Variants in RHOT1 observed in about 807,000 individuals in gnomAD.
The protein encoded by RHOT1 is ras homolog family member T1.
Under a neutral mutation model 95.3 loss-of-function variants are expected in RHOT1, and 27 were observed. The ratio of observed to expected loss-of-function variants is 0.28; its 90% CI spans 0.21 to 0.39. RHOT1 has a LOEUF of 0.39. RHOT1 is among the 10% of genes least tolerant of loss of function. The probability of loss-of-function intolerance (pLI) is 1.00; values close to 1 mark genes in which losing one functional copy is unlikely to be tolerated. For synonymous variants in RHOT1, 227 were observed against 263.5 expected (o/e 0.86, Z 1.34); for missense variants, 578 against 786.7 (o/e 0.73, Z 3.17).
intron 14 of RHOT1, among the ~76,000 whole-genome samples, chr17:32,201,435 G>C (rs72827706): frequency 0.018 from 2,797 of 152,264 alleles, 38 homozygotes; most frequent in Non-Finnish European, 0.029. Context: ...AGGCATTCTT[G>C]CCAAGCAATG....
In RHOT1 at chr17:32,148,441, A is replaced by C. The variant is rs191574732; in HGVS notation, c.37+5712A>C. Reference sequence around the variant, plus strand: ...AGAGTCCTTTCTATAACATCCTCACATATGTACTGAAACCTATTCTCTGCT... The same window carrying C: ...AGAGTCCTTTCTATAACATCCTCACCTATGTACTGAAACCTATTCTCTGCT... On this transcript the variant is annotated intron_variant, in intron 1 of 19. Transcript: ENST00000545287. 8.3e-3 allele frequency among the ~76,000 whole-genome samples: 1,258 copies of C among 152,306 alleles called. 21 individuals are homozygous for C. The highest frequency in any genetic ancestry group is 0.029 in the African/African-American group (1,192 of 41,570).
At chr17:32,173,667 C>T (rs775999197) in intron 2 of RHOT1, among the ~76,000 whole-genome samples, 164 bp from the exon 3 acceptor site, 4 of 150,306 alleles carry the variant, frequency 2.7e-5, no homozygotes, top group African/African-American at 7.4e-5. Context: ...GAGCAGAGAT[C>T]GCACCACTGC....
chr17:32,151,353 A>G (rs1020998758), intron 1 of RHOT1: 13 of 615,092 alleles, frequency 2.1e-5, no homozygotes, highest in Non-Finnish European at 3.7e-5. Context: ...TTGAGGCTGC[A>G]GTGAGCCAAG....
chr17:32,220,320 C>T (rs1182800030), intron 19 of RHOT1, among the ~76,000 whole-genome samples: 1 of 152,106 alleles, frequency 6.6e-6, no homozygotes, highest in Non-Finnish European at 1.5e-5. Flanking sequence ...TAGGATTGCA[C>T]CACTGCACTA....
At chr17:32,194,239 G>A (rs893318790) in intron 11 of RHOT1, 132 bp downstream of exon 11, 2 of 837,536 alleles carry the variant, frequency 2.4e-6, no homozygotes, top group Non-Finnish European at 3.8e-6. Context: ...CCAAATTGCT[G>A]TGATTAAAGG....
intron 1 of RHOT1, among the ~76,000 whole-genome samples, chr17:32,159,024 C>T (rs2033262486): frequency 6.6e-6 from 1 of 152,172 alleles, no homozygotes; most frequent in Non-Finnish European, 1.5e-5. Context: ...TCACTCCTAC[C>T]TCACATGGCT....
chr17:32,185,844 C>T (rs1281847990), intron 8 of RHOT1, among the ~76,000 whole-genome samples: 1 of 151,914 alleles, frequency 6.6e-6, no homozygotes, highest in East Asian at 1.9e-4. Flanking sequence ...CCTCAGCCTC[C>T]TGAGTAGTTG....
chr17:32,160,790 C>CA (rs1450166161), intron 1 of RHOT1, among the ~76,000 whole-genome samples: 1 of 152,234 alleles, frequency 6.6e-6, no homozygotes, highest in Non-Finnish European at 1.5e-5. Context: ...TGCTTGCTCA[C>CA]ACATCCCTCA....
intron 1 of RHOT1, among the ~76,000 whole-genome samples, chr17:32,156,872 T>C (rs1420066012): frequency 6.6e-6 from 1 of 152,262 alleles, no homozygotes; most frequent in Non-Finnish European, 1.5e-5. Flanking sequence ...ATTTGTGTAC[T>C]TAATGTGTGA....
chr17:32,150,662 C>T, intron 1 of RHOT1: 1 of 1,596,444 alleles, frequency 6.3e-7, no homozygotes, highest in Non-Finnish European at 8.6e-7. Context: ...ATCTCATTCT[C>T]ATCAGGAAGA....
chr17:32,199,460 C>G lies in RHOT1; in HGVS notation c.1010C>G (p.Pro337Arg). 6.2e-7 allele frequency: 1 copy of G among 1,613,346 alleles called. No homozygotes were observed. The part of the protein sequence containing the change: ...DELKDLFKVF[P>R]YIPWGPDVNN... The stretch of plus-strand genomic sequence containing the variant: ...CTTAAAGATTTATTTAAAGTTTTCC[C>G]TTACATACCTTGGGGGCCAGATGTG... Residue 337 changes from proline to arginine, a missense_variant, in exon 13 of 20, where the codon CCT (proline) becomes CGT (arginine). Pro to Arg is a moderately radical substitution (Grantham distance 103). This residue lies in a region of RHOT1 where 227 missense variants were observed against 316.0 expected (regional missense o/e 0.72). Transcript: ENST00000545287.
At position 32,171,124 on chromosome 17, in the gene RHOT1, T is replaced by G. The variant is rs768399618; in HGVS notation, c.96+23T>G. The stretch of plus-strand genomic sequence containing the variant: ...GAGGTAAACATTTTGATTTCCATAT[T>G]TAAATTTTAAAAAATTTATCAAAAT... On this transcript the variant is annotated intron_variant, in intron 2 of 19. Transcript: ENST00000545287. 2.8e-5 allele frequency: 41 copies of G among 1,487,830 alleles called. No individual in the cohort carries two copies. The South Asian group carries it at 4.5e-4, about 16-fold the overall frequency. The allele number at this position is 1,487,830 out of a possible 1,614,324, so 92.2% of individuals were successfully genotyped here. A position where few individuals can be genotyped will look rare whatever the true frequency, so the allele number is the denominator to read the frequency against.
intron 19 of RHOT1, 22 bp from the exon 20 acceptor site, chr17:32,224,594 T>TC (rs1567740349): frequency 6.6e-7 from 1 of 1,514,846 alleles, no homozygotes; most frequent in Admixed American, 1.8e-5. Context: ...TTTTAAATAA[T>TC]AATTATATTT....
chr17:32,160,899 T>C (rs2033480576), intron 1 of RHOT1, among the ~76,000 whole-genome samples: 1 of 152,142 alleles, frequency 6.6e-6, no homozygotes, highest in East Asian at 1.9e-4. Context: ...ACGAGCCCAG[T>C]GGGCCAGAGC....
intron 19 of RHOT1, chr17:32,222,735 A>G (rs935442008): frequency 2.9e-6 from 1 of 347,842 alleles, no homozygotes; most frequent in African/African-American, 2.2e-5. Context: ...TGTGAACTGC[A>G]AACTGTGTGC....
At position 32,203,254 on chromosome 17, in the gene RHOT1, T is replaced by TTTCTTCTTC. The variant is rs1223623021; in HGVS notation, c.1332+363_1332+371dup. On this transcript the variant is annotated intron_variant, in intron 15 of 19. Transcript: ENST00000545287. Reference sequence around the variant, plus strand: ...AGTAAGAAGAAGAAGACATATTTCTTTTCTTCTTCTTCTTCTTTTTTTTTT... The same window carrying TTTCTTCTTC: ...AGTAAGAAGAAGAAGACATATTTCTTTTCTTCTTCTTCTTCTTCTTCTTCTTTTTTTTTT... Among the ~76,000 whole-genome samples, 257 of 126,764 alleles carry TTTCTTCTTC rather than the reference T, an allele frequency of 2.0e-3. 2 individuals are homozygous for TTTCTTCTTC. The highest frequency in any genetic ancestry group is 2.6e-3 in the Non-Finnish European group (163 of 63,366). 83.2% of individuals were successfully genotyped at this position (126,764 alleles called of 152,430 possible). A position where few individuals can be genotyped will look rare whatever the true frequency, so the allele number is the denominator to read the frequency against.
At chr17:32,196,207 G>T (rs1430253354) in intron 11 of RHOT1, among the ~76,000 whole-genome samples, 3 of 148,648 alleles carry the variant, frequency 2.0e-5, no homozygotes, top group Non-Finnish European at 4.5e-5. Flanking sequence ...TTTGAGACAG[G>T]GTCTTGCCCT....
rs920387044 is a variant in RHOT1, at chr17:32,197,424, T to A, written c.870-1523T>A. ...TCTTTTTTCTTCTTTTTTCTTATTT[T>A]TTTATTTTTTTATTTTTTGAGATGG... On this transcript the variant is annotated intron_variant, in intron 11 of 19. Coordinates refer to ENST00000545287, the MANE Select transcript of RHOT1 (RefSeq NM_001033566.3). 7.5e-5 allele frequency among the ~76,000 whole-genome samples: 11 copies of A among 147,592 alleles called. 1 individual carries two copies. The highest frequency in any genetic ancestry group is 2.8e-4 in the African/African-American group (11 of 38,636).
At chr17:32,149,492 GT>G (rs1335529770) in intron 1 of RHOT1, among the ~76,000 whole-genome samples, 5 of 85,912 alleles carry the variant, frequency 5.8e-5, no homozygotes, top group African/African-American at 4.6e-4. Context: ...ATTCTAAAAT[GT>G]TTCATTATCT....
Sources: allele counts gnomAD v4.1 joint callset (sites outside exome capture counted in the v4.1 genomes callset), GRCh38; gene constraint gnomAD v4.1.1; regional missense constraint gnomAD v4.1.1; transcripts MANE v1.5; gene names NCBI Gene and HGNC (gene_info 2026-07-23, HGNC 2026-07-21).